TLE4: variants seen among roughly 807,000 people sequenced by gnomAD.
TLE4 encodes the protein TLE family member 4, transcriptional corepressor, also known as transducin-like enhancer protein 4.
In TLE4, 8 loss-of-function variants were observed where a neutral mutation model predicts 92.8. The ratio of observed to expected loss-of-function variants is 0.09; its 90% CI spans 0.05 to 0.16. The LOEUF is 0.16. Ranked by LOEUF, TLE4 falls within the 10% of genes least tolerant of loss-of-function variation. The pLI, the probability that TLE4 is intolerant of heterozygous loss-of-function variation, is 1.00. For synonymous variants in TLE4, 371 were observed against 374.1 expected, an observed-to-expected ratio of 0.99 and a Z score of 0.10; for missense variants, 675 against 997.6, an observed-to-expected ratio of 0.68 and a Z score of 4.36.
intron 4 of TLE4, among the ~76,000 whole-genome samples, chr9:79,609,094 T>TC: frequency 6.6e-6 from 1 of 152,258 alleles, no homozygotes; most frequent in Admixed American, 6.5e-5. Flanking sequence ...GTGATTGAGT[T>TC]ACAGCTTTCT....
chr9:79,621,110 G>A (rs1215886225), intron 5 of TLE4, among the ~76,000 whole-genome samples: 2 of 152,174 alleles, frequency 1.3e-5, no homozygotes, highest in East Asian at 1.9e-4. Flanking sequence ...TTTGAATACT[G>A]TATAGGAAAG....
intron 1 of TLE4, 63 bp downstream of exon 1, chr9:79,572,898 G>A: frequency 6.5e-7 from 1 of 1,538,610 alleles, no homozygotes; most frequent in Non-Finnish European, 8.8e-7. Flanking sequence ...GTCGCCCCCT[G>A]CGCACCGAGT....
intron 8 of TLE4, among the ~76,000 whole-genome samples, chr9:79,697,430 A>G (rs370581933): frequency 1.3e-5 from 2 of 152,250 alleles, no homozygotes; most frequent in Admixed American, 6.5e-5. Context: ...GTTCCAACTC[A>G]TTCATCTACT....
In TLE4 at chr9:79,719,695, A is replaced by G. The variant is rs181831133; in HGVS notation, c.1591-351A>G. 1.1e-4 allele frequency among the ~76,000 whole-genome samples: 17 copies of G among 152,294 alleles called. No individual in the cohort carries two copies. The East Asian group carries it at 2.9e-3, about 26-fold the overall frequency. On this transcript the variant is annotated intron_variant, in intron 15 of 19. Coordinates refer to ENST00000376552, the MANE Select transcript of TLE4 (RefSeq NM_007005.6). Reference sequence around the variant, plus strand: ...TGAGCCTGAGTCTACCAAGGTTCCAAGTTTGGATACTCCAAGACTGTGAGA... The same window carrying G: ...TGAGCCTGAGTCTACCAAGGTTCCAGGTTTGGATACTCCAAGACTGTGAGA...
chr9:79,688,069 C>T (rs1000843446), intron 8 of TLE4, among the ~76,000 whole-genome samples: 1 of 152,136 alleles, frequency 6.6e-6, no homozygotes, highest in Non-Finnish European at 1.5e-5. Flanking sequence ...CCTTGTTCCA[C>T]GTTGAGAAGG....
chr9:79,586,131 G>T (rs1022443331), intron 4 of TLE4, among the ~76,000 whole-genome samples: 1 of 141,724 alleles, frequency 7.1e-6, no homozygotes, highest in East Asian at 2.1e-4. Context: ...CCAGCACTTT[G>T]GGAGGCTGAG....
chr9:79,708,704 C>T lies in TLE4; in HGVS notation c.1181C>T (p.Ala394Val). 6.2e-7 allele frequency: 1 copy of T among 1,613,454 alleles called. No individual in the cohort carries two copies. Among genetic ancestry groups the T allele is most frequent in the Non-Finnish European group, 8.5e-7 (1 of 1,180,044 alleles). Reference protein sequence around the residue: ...GELTSPGAAYAGLHNISPQMS... With the variant: ...GELTSPGAAYVGLHNISPQMS... ...CTGACCAGCCCCGGAGCGGCCTACG[C>T]TGGGCTCCACAACATCTCCCCTCAG... The change falls in exon 13 of 20, where the codon GCT (alanine) becomes GTT (valine). Residue 394 changes from alanine (A) to valine (V), a missense_variant. Transcript: ENST00000376552.
rs1274482874 is a variant in TLE4 at position 79,718,945 on chromosome 9, A to T, written c.1564A>T (p.Ser522Cys). Reference protein sequence around the residue: ...VWDISHPGNKSPVSQLDCLNR... With the variant: ...VWDISHPGNKCPVSQLDCLNR... Reference sequence around the variant, plus strand: ...GGACATCAGCCACCCAGGCAATAAGAGTCCTGTCTCCCAGCTCGACTGTCT... The same window carrying T: ...GGACATCAGCCACCCAGGCAATAAGTGTCCTGTCTCCCAGCTCGACTGTCT... The change falls in exon 15 of 20, where the codon AGT becomes TGT. Residue 522 changes from serine to cysteine, a missense_variant. This residue lies in a region of TLE4 where 170 missense variants were observed against 359.6 expected (regional missense o/e 0.47). Transcript: ENST00000376552. The T allele has an allele frequency of 6.2e-7, 1 of 1,611,560 alleles. No individual in the cohort carries two copies. Among genetic ancestry groups the T allele is most frequent in the Non-Finnish European group, 8.5e-7 (1 of 1,177,972 alleles).
At chr9:79,720,425 TAAA>T in intron 16 of TLE4, 132 bp downstream of exon 16, 1 of 1,008,752 alleles carries the variant, frequency 9.9e-7, no homozygotes, top group Non-Finnish European at 1.3e-6. Context: ...TGTGTGTGTG[TAAA>T]GTGATATAAT....
intron 8 of TLE4, among the ~76,000 whole-genome samples, chr9:79,678,414 C>CTT (rs144939013): frequency 6.6e-6 from 1 of 151,028 alleles, no homozygotes; most frequent in African/African-American, 2.4e-5. Context: ...CTAACTTCAT[C>CTT]TTTTTTTTTA....
intron 14 of TLE4, among the ~76,000 whole-genome samples, chr9:79,712,407 A>C (rs1419899490): frequency 1.3e-5 from 2 of 152,214 alleles, no homozygotes; most frequent in African/African-American, 4.8e-5. Context: ...TCTCCAGATC[A>C]TAAGATACTG....
intron 15 of TLE4, among the ~76,000 whole-genome samples, chr9:79,719,601 A>G (rs1000870295): frequency 6.6e-6 from 1 of 152,154 alleles, no homozygotes; most frequent in Non-Finnish European, 1.5e-5. Context: ...GGCAAAAGGA[A>G]CAGACTGCCA....
At chr9:79,643,830 A>G (rs914649500) in intron 6 of TLE4, among the ~76,000 whole-genome samples, 7 of 152,142 alleles carry the variant, frequency 4.6e-5, no homozygotes, top group Non-Finnish European at 1.0e-4. Flanking sequence ...TAGTTAATAC[A>G]TTTGACATGG....
chr9:79,578,936 A>G (rs1178944902), intron 4 of TLE4, among the ~76,000 whole-genome samples: 2 of 141,940 alleles, frequency 1.4e-5, no homozygotes, highest in African/African-American at 2.7e-5. Flanking sequence ...AGCTAAGCAG[A>G]TGAAGCAAAA....
intron 6 of TLE4, chr9:79,649,501 A>T: frequency 5.5e-6 from 1 of 180,192 alleles, no homozygotes; most frequent in South Asian, 1.1e-4. Flanking sequence ...CATCTTAAAC[A>T]AAATGTTGGA....
intron 11 of TLE4, among the ~76,000 whole-genome samples, chr9:79,707,862 C>G (rs2072121876): frequency 6.6e-6 from 1 of 152,214 alleles, no homozygotes; most frequent in Non-Finnish European, 1.5e-5. Flanking sequence ...CCTCATCTGA[C>G]TCAGACCAAT....
chr9:79,600,420 T>C lies in TLE4; in HGVS notation c.253-12236T>C, dbSNP rs763200444. Among the ~76,000 whole-genome samples, 17 of 152,094 alleles carry C rather than the reference T, an allele frequency of 1.1e-4. No individual in the cohort carries two copies. The East Asian group carries it at 2.5e-3, about 22-fold the overall frequency. On this transcript the variant is annotated intron_variant, in intron 4 of 19. Coordinates refer to ENST00000376552, the MANE Select transcript of TLE4 (RefSeq NM_007005.6). ...GGCTTCCCCCAGCCATTGAAGGAAC[T>C]TGAGTGAGGAATCAGTGAATGGTAG...
In TLE4 at chr9:79,613,797, T is replaced by C. The variant is rs545718915; in HGVS notation, c.315+1079T>C. On this transcript the variant is annotated intron_variant, in intron 5 of 19. Coordinates refer to ENST00000376552, the MANE Select transcript of TLE4 (RefSeq NM_007005.6). Reference sequence around the variant, plus strand: ...TTATAGATATGCAGATTGCTGTATATGATTTTTTTCTTTGGTCTGGACTGG... The same window carrying C: ...TTATAGATATGCAGATTGCTGTATACGATTTTTTTCTTTGGTCTGGACTGG... Among the ~76,000 whole-genome samples, 264 of 152,274 alleles carry C rather than the reference T, an allele frequency of 1.7e-3. 2 individuals carry two copies. Among genetic ancestry groups the C allele is most frequent in the Non-Finnish European group, 2.7e-3 (187 of 68,016 alleles).
chr9:79,591,622 G>A (rs1372470932), intron 4 of TLE4, among the ~76,000 whole-genome samples: 8 of 152,166 alleles, frequency 5.3e-5, no homozygotes, highest in Admixed American at 1.3e-4. Flanking sequence ...GGAGAGGGGC[G>A]TGACTGGAGA....
Sources: allele counts gnomAD v4.1 joint callset (sites outside exome capture counted in the v4.1 genomes callset), GRCh38; gene constraint gnomAD v4.1.1; regional missense constraint gnomAD v4.1.1; transcripts MANE v1.5; gene names NCBI Gene and HGNC (gene_info 2026-07-23, HGNC 2026-07-21).